Variants in TULP2 observed in about 807,000 individuals in gnomAD.
The protein encoded by TULP2 is TUB like protein 2, also known as tubby-related protein 2.
TULP2 carries 64 observed loss-of-function variants against 60.3 expected under a neutral mutation model. The ratio of observed to expected loss-of-function variants is 1.06; its 90% CI spans 0.87 to 1.31. The LOEUF (loss-of-function observed/expected upper bound fraction) is 1.31. TULP2 is among the 50% of genes most tolerant of loss of function. TULP2 has a pLI of 0.00. For synonymous variants in TULP2, 267 were observed against 265.4 expected, an observed-to-expected ratio of 1.01 and a Z score of -0.06; for missense variants, 652 against 667.0, an observed-to-expected ratio of 0.98 and a Z score of 0.25.
chr19:48,896,661 A>C, intron 3 of TULP2, 105 bp from the exon 4 acceptor site: 1 of 1,368,910 alleles, frequency 7.3e-7, no homozygotes, highest in Non-Finnish European at 9.6e-7. Flanking sequence ...GAGTTCGTGA[A>C]CCCCTTCCTC....
At chr19:48,886,223 G>A (rs929605118) in intron 8 of TULP2, among the ~76,000 whole-genome samples, 2 of 151,480 alleles carry the variant, frequency 1.3e-5, no homozygotes, top group African/African-American at 4.9e-5. Context: ...GGAGAATAGC[G>A]TGAACCTGGG....
Position 48,882,185 on chromosome 19 carries a change from T to C in TULP2, c.1294A>G (p.Ser432Gly), listed in dbSNP as rs369194871. ...QPLNEQESLL[S>G]RYQRGDKQGL... The stretch of plus-strand genomic sequence containing the variant: ...TGTTTGTCCCCACGTTGGTAACGAC[T>C]CAGTAGCGACTCCTGTTCCTAGAAG... The change falls in exon 12 of 13, where the codon AGT becomes GGT. Residue 432 changes from serine (S) to glycine (G), a missense_variant. Coordinates refer to ENST00000221399, the MANE Select transcript of TULP2 (RefSeq NM_003323.3). 4.3e-6 allele frequency: 7 copies of C among 1,614,062 alleles called. No individual in the cohort carries two copies. Among genetic ancestry groups the C allele is most frequent in the African/African-American group, 4.0e-5 (3 of 74,912 alleles).
rs763208313 is a variant in TULP2 at position 48,888,278 on chromosome 19, A to G, written c.637-17T>C. The G allele has an allele frequency of 3.2e-6, 5 of 1,566,360 alleles. No homozygotes were observed. The highest frequency in any genetic ancestry group is 4.3e-6 in the Non-Finnish European group (5 of 1,152,206). On this transcript the variant is annotated splice_polypyrimidine_tract_variant and intron_variant, in intron 7 of 12. Coordinates refer to ENST00000221399, the MANE Select transcript of TULP2 (RefSeq NM_003323.3). ...GTCTTCTTCCTAGCCCAGGCACCAA[A>G]TTTAAAGTCGAGGGACAACCACCGG...
chr19:48,897,574 GC>G lies in TULP2; in HGVS notation c.33-179del. Reference sequence around the variant, plus strand: ...TATAGGGCCCTTTCTCCTGGCACTGGCCCACAGAAGCCGGGACCCAGAGATC... The same window carrying G: ...TATAGGGCCCTTTCTCCTGGCACTGGCCACAGAAGCCGGGACCCAGAGATC... On this transcript the variant is annotated intron_variant, in intron 2 of 12. Coordinates refer to ENST00000221399, the MANE Select transcript of TULP2 (RefSeq NM_003323.3). This position sits in a 1 kb window ranked among gnomAD's most constrained non-coding sequence, Gnocchi z 4.0. 1.4e-6 allele frequency: 1 copy of G among 709,726 alleles called. No individual in the cohort carries two copies. Among genetic ancestry groups the G allele is most frequent in the Non-Finnish European group, 2.4e-6 (1 of 424,760 alleles). 44.0% of individuals were successfully genotyped at this position (709,726 alleles called of 1,614,324 possible). A position where few individuals can be genotyped will look rare whatever the true frequency, so the allele number is the denominator to read the frequency against.
rs767536815 is a variant in TULP2, at chr19:48,888,052, C to A, written c.846G>T (p.Pro282=). ...MEAYVLRPAL[P]GTMMQCYLTR... ...TGAGGTAGCACTGCATCATGGTGCC[C>A]GGGAGCGCTGGCCGCAGCACGTAGG... is the stretch of plus-strand genomic sequence containing the variant. Residue 282 remains proline (P), a synonymous_variant, in exon 8 of 13, where the codon CCG becomes CCT. Transcript: ENST00000221399. The A allele has an allele frequency of 3.0e-5, 49 of 1,614,020 alleles. No individual in the cohort carries two copies.
chr19:48,887,175 C>A (rs2037187128), intron 8 of TULP2, among the ~76,000 whole-genome samples: 1 of 151,560 alleles, frequency 6.6e-6, no homozygotes, highest in Non-Finnish European at 1.5e-5. Flanking sequence ...CCACGCCTGG[C>A]TAACTTTTGT....
intron 6 of TULP2, among the ~76,000 whole-genome samples, chr19:48,891,586 G>A (rs1008849810): frequency 2.0e-5 from 3 of 152,150 alleles, no homozygotes; most frequent in South Asian, 4.1e-4. Context: ...AGCCGAGATC[G>A]TGCCACTGCG....
At chr19:48,889,093 C>T (rs1454773184) in intron 7 of TULP2, among the ~76,000 whole-genome samples, 1 of 151,850 alleles carries the variant, frequency 6.6e-6, no homozygotes, top group Non-Finnish European at 1.5e-5. Flanking sequence ...TCTCCTGCCT[C>T]AGCCTCCTGA....
chr19:48,889,481 A>G (rs1237516946), intron 7 of TULP2, 29 bp downstream of exon 7: 16 of 1,566,446 alleles, frequency 1.0e-5, no homozygotes, highest in South Asian at 4.6e-5. Context: ...TCTTCTTCCA[A>G]TATCCTGAGT....
At chr19:48,887,805 G>A (rs1034748054) in intron 8 of TULP2, 145 bp downstream of exon 8, 15 of 835,024 alleles carry the variant, frequency 1.8e-5, no homozygotes, top group Middle Eastern at 3.6e-4. Context: ...TGATCCACCC[G>A]CTTCAGCCTC....
At chr19:48,888,373 G>A (rs1599997151) in intron 7 of TULP2, 112 bp from the exon 8 acceptor site, 2 of 1,123,574 alleles carry the variant, frequency 1.8e-6, no homozygotes, top group East Asian at 5.1e-5. Flanking sequence ...CACATTTTCT[G>A]CTTATTGGTC....
chr19:48,896,236 C>G (rs1157675603), intron 4 of TULP2, among the ~76,000 whole-genome samples, 194 bp downstream of exon 4: 1 of 152,184 alleles, frequency 6.6e-6, no homozygotes, highest in Non-Finnish European at 1.5e-5. Flanking sequence ...CAGGTCCTGC[C>G]GCGGGGGGCC....
In TULP2 at chr19:48,896,444, A is replaced by G. The variant is rs754204339; in HGVS notation, c.197T>C (p.Leu66Pro). Residue 66 changes from leucine to proline, a missense_variant, in exon 4 of 13, where the codon CTT becomes CCT. Transcript: ENST00000221399. ...LWRSCLREER[L>P]LGDRGLGNPF... ...TCTTTGGTCACCTCTGTCACCTAAA[A>G]GGCGCTCCTCCCGCAGACAAGAGCG... 2.5e-6 allele frequency: 4 copies of G among 1,609,134 alleles called. No homozygotes were observed. In the Admixed American group the frequency reaches 6.7e-5, roughly 27 times the overall value.
chr19:48,895,696 A>G (rs977477917), intron 4 of TULP2, among the ~76,000 whole-genome samples, 193 bp from the exon 5 acceptor site: 31 of 152,152 alleles, frequency 2.0e-4, no homozygotes, highest in Middle Eastern at 3.4e-3. Context: ...CCTGACCAAC[A>G]TGGAGAAACA....
At position 48,888,065 on chromosome 19, in the gene TULP2, C is replaced by T. The variant is rs937826767; in HGVS notation, c.833G>A (p.Arg278Gln). Reference sequence around the variant, plus strand: ...CATCATGGTGCCCGGGAGCGCTGGCCGCAGCACGTAGGCTTCCATGTCCTC... The same window carrying T: ...CATCATGGTGCCCGGGAGCGCTGGCTGCAGCACGTAGGCTTCCATGTCCTC... ...LEEDMEAYVL[R>Q]PALPGTMMQC... The change falls in exon 8 of 13, where the codon CGG becomes CAG. Residue 278 changes from arginine to glutamine, a missense_variant. Coordinates refer to ENST00000221399, the MANE Select transcript of TULP2 (RefSeq NM_003323.3). 1.3e-5 allele frequency: 21 copies of T among 1,614,084 alleles called. No homozygotes were observed. The highest frequency in any genetic ancestry group is 1.7e-5 in the Admixed American group (1 of 60,002).
chr19:48,889,836 G>C (rs964585544), intron 6 of TULP2, among the ~76,000 whole-genome samples: 1 of 152,200 alleles, frequency 6.6e-6, no homozygotes, highest in Non-Finnish European at 1.5e-5. Context: ...GGCGGTGCAA[G>C]ATGTGCTTTG....
chr19:48,888,298 C>A (rs1347205708), intron 7 of TULP2, 37 bp from the exon 8 acceptor site: 1 of 1,549,598 alleles, frequency 6.5e-7, no homozygotes, highest in Admixed American at 1.9e-5. Context: ...GAGGGACAAC[C>A]ACCGGCCCAG....
intron 8 of TULP2, among the ~76,000 whole-genome samples, chr19:48,887,041 C>T (rs1334816290): frequency 9.7e-5 from 12 of 124,076 alleles, no homozygotes; most frequent in South Asian, 2.7e-4. Context: ...GATGGAGTTT[C>T]GCTCTTTCAC....
At chr19:48,893,945 G>T (rs1003755419) in intron 6 of TULP2, among the ~76,000 whole-genome samples, 3 of 152,034 alleles carry the variant, frequency 2.0e-5, no homozygotes, top group African/African-American at 7.3e-5. Context: ...TTAGCTTCTC[G>T]TATCCTACAG....
Sources: allele counts gnomAD v4.1 joint callset (sites outside exome capture counted in the v4.1 genomes callset), GRCh38; gene constraint gnomAD v4.1.1; non-coding constraint Gnocchi (gnomAD v3.1); transcripts MANE v1.5; gene names NCBI Gene and HGNC (gene_info 2026-07-23, HGNC 2026-07-21).